The following DECR1 variants were observed in gnomAD, a reference collection of about 807,000 sequenced individuals.
The protein encoded by DECR1 is 2,4-dienoyl-CoA reductase 1, also known as 2,4-dienoyl-CoA reductase [(3E)-enoyl-CoA-producing], mitochondrial.
A neutral mutation model predicts 38.8 loss-of-function variants in DECR1; 44 were observed. The ratio of observed to expected loss-of-function variants is 1.13; its 90% CI spans 0.89 to 1.46. The LOEUF is 1.46. Ranked by LOEUF, DECR1 falls within the 40% of genes most tolerant of loss-of-function variation. The pLI is 0.00. For synonymous variants in DECR1, 148 were observed against 135.2 expected (o/e 1.09, Z -0.66); for missense variants, 428 against 405.5 (o/e 1.06, Z -0.48).
intron 1 of DECR1, among the ~76,000 whole-genome samples, chr8:90,003,469 G>C (rs976396900): frequency 6.6e-6 from 1 of 152,150 alleles, no homozygotes; most frequent in African/African-American, 2.4e-5. Context: ...GCTCTCAACT[G>C]TTCTCAAGTT....
In DECR1 at chr8:90,042,740, T is replaced by G; in HGVS notation, c.678T>G (p.Ala226=). The change falls in exon 7 of 10, where the codon GCT becomes GCG. Residue 226 remains alanine, a synonymous_variant. Transcript: ENST00000220764. ...TTTTAATTTTTAGGTCTCTTGCAGCTGAATGGGGTAAATATGGAATGCGAT... is the reference window on the plus strand; with the variant it reads ...TTTTAATTTTTAGGTCTCTTGCAGCGGAATGGGGTAAATATGGAATGCGAT... ...GVEAMSKSLA[A]EWGKYGMRFN... 6.2e-7 allele frequency: 1 copy of G among 1,613,382 alleles called. No homozygotes were observed. The highest frequency in any genetic ancestry group is 8.5e-7 in the Non-Finnish European group (1 of 1,179,488).
At chr8:90,018,995 G>C in intron 3 of DECR1, 29 bp downstream of exon 3, 2 of 1,579,352 alleles carry the variant, frequency 1.3e-6, no homozygotes, top group Non-Finnish European at 1.7e-6. Context: ...ATTTAATTTA[G>C]ATTTAGGAAT....
chr8:90,044,893 A>G lies in DECR1; in HGVS notation c.783A>G (p.Glu261=), dbSNP rs1563655734. 1 of 1,613,336 alleles carries G rather than the reference A, an allele frequency of 6.2e-7. No homozygotes were observed. Among genetic ancestry groups the G allele is most frequent in the East Asian group, 2.2e-5 (1 of 44,836 alleles). Residue 261 remains glutamate (E), a synonymous_variant, in exon 8 of 10, where the codon GAA becomes GAG. Coordinates refer to ENST00000220764, the MANE Select transcript of DECR1 (RefSeq NM_001359.2). The part of the protein sequence containing the change: ...RLDPTGTFEK[E]MIGRIPCGRL... ...ACCCAACTGGAACATTTGAGAAAGA[A>G]ATGATTGGCAGAATTCCCTGTGGTC... is the stretch of plus-strand genomic sequence containing the variant.
intron 6 of DECR1, among the ~76,000 whole-genome samples, chr8:90,039,334 G>T (rs1168879642): frequency 2.0e-5 from 3 of 152,166 alleles, no homozygotes; most frequent in Non-Finnish European, 4.4e-5. Context: ...GGCTAGGGAG[G>T]CCTCAGGAAA....
intron 7 of DECR1, 71 bp from the exon 8 acceptor site, chr8:90,044,778 A>G: frequency 6.6e-7 from 1 of 1,513,172 alleles, no homozygotes; most frequent in Non-Finnish European, 8.9e-7. Flanking sequence ...TTTTATACAC[A>G]TTTTTTCTTG....
chr8:90,017,237 G>A lies in DECR1; in HGVS notation c.183G>A (p.Val61=). Residue 61 remains valine (V), a synonymous_variant, in exon 2 of 10, where the codon GTG becomes GTA. Transcript: ENST00000220764. ...CACCTAATAGTTTTCAAGGAAAAGTGGCATTCATTACTGGGGGAGGTACTG... is the reference window on the plus strand; with the variant it reads ...CACCTAATAGTTTTCAAGGAAAAGTAGCATTCATTACTGGGGGAGGTACTG... ...MLPPNSFQGK[V]AFITGGGTGL... is the part of the protein sequence containing the mutation. 6.2e-7 allele frequency: 1 copy of A among 1,614,138 alleles called. No individual in the cohort carries two copies. The highest frequency in any genetic ancestry group is 1.7e-5 in the Admixed American group (1 of 60,014).
intron 1 of DECR1, among the ~76,000 whole-genome samples, chr8:90,009,236 C>T (rs1384292487): frequency 6.6e-6 from 1 of 152,168 alleles, no homozygotes; most frequent in Admixed American, 6.5e-5. Flanking sequence ...CATAAGCATG[C>T]CCCCTGCTTA....
chr8:90,022,927 A>G (rs1813202232), intron 5 of DECR1, among the ~76,000 whole-genome samples: 1 of 152,154 alleles, frequency 6.6e-6, no homozygotes, highest in Non-Finnish European at 1.5e-5. Flanking sequence ...TTAAAAATAT[A>G]TTAGATAAAA....
chr8:90,007,305 C>T (rs1456648962), intron 1 of DECR1, among the ~76,000 whole-genome samples: 1 of 152,100 alleles, frequency 6.6e-6, no homozygotes, highest in East Asian at 1.9e-4. Context: ...TCTGCAGCTA[C>T]CAGGAGCCCT....
intron 6 of DECR1, 172 bp from the exon 7 acceptor site, chr8:90,042,556 A>T: frequency 3.3e-6 from 2 of 610,230 alleles, no homozygotes; most frequent in Middle Eastern, 4.4e-4. Context: ...AAAATGATTT[A>T]ACCTCTCTGT....
chr8:90,017,870 G>C (rs2130047771), intron 2 of DECR1, among the ~76,000 whole-genome samples: 1 of 152,224 alleles, frequency 6.6e-6, no homozygotes, highest in African/African-American at 2.4e-5. Flanking sequence ...AATTGATGCA[G>C]TACTTTCATT....
At chr8:90,037,967 G>C (rs1813654432) in intron 6 of DECR1, among the ~76,000 whole-genome samples, 1 of 152,120 alleles carries the variant, frequency 6.6e-6, no homozygotes. Flanking sequence ...AAAAATCTTA[G>C]ATCATTTCCT....
At chr8:90,041,462 G>A (rs1042211518) in intron 6 of DECR1, among the ~76,000 whole-genome samples, 3 of 152,120 alleles carry the variant, frequency 2.0e-5, no homozygotes, top group Middle Eastern at 3.2e-3. Flanking sequence ...TTCTTTTGCT[G>A]TGCACAAGTT....
chr8:90,026,338 G>T (rs1813336384), intron 5 of DECR1, among the ~76,000 whole-genome samples: 1 of 152,200 alleles, frequency 6.6e-6, no homozygotes, highest in Non-Finnish European at 1.5e-5. Flanking sequence ...ATTTGGCTGT[G>T]AATCTGTCTG....
At chr8:90,041,915 T>A (rs1813773619) in intron 6 of DECR1, among the ~76,000 whole-genome samples, 1 of 152,178 alleles carries the variant, frequency 6.6e-6, no homozygotes, top group Non-Finnish European at 1.5e-5. Context: ...ATATGAATTC[T>A]TTTAAGCTAC....
At chr8:90,033,695 T>C (rs1396537449) in intron 5 of DECR1, among the ~76,000 whole-genome samples, 1 of 152,148 alleles carries the variant, frequency 6.6e-6, no homozygotes, top group Non-Finnish European at 1.5e-5. Flanking sequence ...ACCCAAATTT[T>C]CTAGGCTGAG....
chr8:90,019,718 A>T (rs376436331), intron 4 of DECR1, among the ~76,000 whole-genome samples: 24 of 152,176 alleles, frequency 1.6e-4, no homozygotes, highest in East Asian at 5.8e-4. Flanking sequence ...CTGCCTCCAG[A>T]GTTAGGCCTC....
chr8:90,042,693 A>G (rs2130150251), intron 6 of DECR1, 35 bp from the exon 7 acceptor site: 2 of 1,561,832 alleles, frequency 1.3e-6, no homozygotes, highest in Non-Finnish European at 1.8e-6. Context: ...ATGGTATAAT[A>G]TTTCAGAATG....
intron 1 of DECR1, among the ~76,000 whole-genome samples, chr8:90,009,054 T>C (rs7831876): frequency 0.08 from 12,251 of 152,208 alleles, 1,534 homozygotes; most frequent in African/African-American, 0.27. Flanking sequence ...ATTCTCTCCT[T>C]AAAACTTAGA....
Sources: allele counts gnomAD v4.1 joint callset (sites outside exome capture counted in the v4.1 genomes callset), GRCh38; gene constraint gnomAD v4.1.1; transcripts MANE v1.5; gene names NCBI Gene and HGNC (gene_info 2026-07-23, HGNC 2026-07-21).